The following ABLIM1 variants were observed in gnomAD, a reference collection of about 807,000 sequenced individuals.
ABLIM1 encodes actin binding LIM protein 1.
A neutral mutation model predicts 107.0 loss-of-function variants in ABLIM1; 40 were observed. The ratio of observed to expected loss-of-function variants is 0.37; its 90% confidence interval spans 0.29 to 0.49. ABLIM1 has a LOEUF of 0.49. ABLIM1 is among the 20% of genes least tolerant of loss of function. ABLIM1 has a pLI of 0.97. For synonymous variants in ABLIM1, 357 were observed against 357.3 expected, an observed-to-expected ratio of 1.00 and a Z score of 0.01; for missense variants, 857 against 1,008.5, an observed-to-expected ratio of 0.85 and a Z score of 2.04.
chr10:114,447,920 C>A lies in ABLIM1; in HGVS notation c.1695G>T (p.Glu565Asp), dbSNP rs1249253943. The change falls in exon 15 of 23, where the codon GAG (glutamate) becomes GAT (aspartate). Residue 565 changes from glutamate (E) to aspartate (D), a missense_variant. Glu to Asp is a conservative substitution (Grantham distance 45). Coordinates refer to ENST00000533213, the MANE Select transcript of ABLIM1 (RefSeq NM_002313.7). Reference protein sequence around the residue: ...APDPSETPKIETDHWPGPPSF... With the variant: ...APDPSETPKIDTDHWPGPPSF... The stretch of plus-strand genomic sequence containing the variant: ...AGGGGGGACCAGGCCAGTGGTCCGT[C>A]TCAATCTTTGGTGTCTCGCTGGGGT... The A allele has an allele frequency of 6.2e-7, 1 of 1,614,120 alleles. No individual in the cohort carries two copies. Among genetic ancestry groups the A allele is most frequent in the Non-Finnish European group, 8.5e-7 (1 of 1,180,020 alleles).
At chr10:114,571,231 G>A (rs2071633986) in intron 4 of ABLIM1, 66 bp downstream of exon 4, 1 of 1,382,576 alleles carries the variant, frequency 7.2e-7, no homozygotes, top group South Asian at 1.2e-5. Context: ...CAAAAAGGAA[G>A]GCACCTGCCT....
At chr10:114,764,938 G>A (rs1010249427) in intron 1 of ABLIM1, 3 of 152,612 alleles carry the variant, frequency 2.0e-5, no homozygotes, top group African/African-American at 7.2e-5. Flanking sequence ...CTCACAAGCA[G>A]GCAGAGAGCA....
chr10:114,656,233 A>ACACTCTAG (rs1229086332), intron 1 of ABLIM1, among the ~76,000 whole-genome samples: 4 of 142,524 alleles, frequency 2.8e-5, no homozygotes, highest in Non-Finnish European at 6.0e-5. Context: ...TCACGCCATT[A>ACACTCTAG]CACTCTAGCC....
chr10:114,566,087 G>C (rs1335363503), intron 4 of ABLIM1, among the ~76,000 whole-genome samples: 1 of 152,106 alleles, frequency 6.6e-6, no homozygotes, highest in African/African-American at 2.4e-5. Context: ...GAGCCACCGC[G>C]CCCGGTCGAA....
At chr10:114,647,833 G>C (rs74158023) in intron 1 of ABLIM1, among the ~76,000 whole-genome samples, 2 of 152,134 alleles carry the variant, frequency 1.3e-5, no homozygotes, top group Non-Finnish European at 2.9e-5. Flanking sequence ...AAAACTTGGG[G>C]GGCCACAGTA....
At chr10:114,626,804 G>A (rs1248330925) in intron 1 of ABLIM1, among the ~76,000 whole-genome samples, 1 of 152,130 alleles carries the variant, frequency 6.6e-6, no homozygotes, top group Non-Finnish European at 1.5e-5. Flanking sequence ...TCATTAGGGT[G>A]GGCCTTAATC....
intron 8 of ABLIM1, among the ~76,000 whole-genome samples, chr10:114,477,379 G>A (rs894555745): frequency 5.9e-5 from 9 of 152,140 alleles, no homozygotes; most frequent in Admixed American, 1.3e-4. Context: ...TTCGGTTACT[G>A]GGGTTGCTAT....
chr10:114,642,978 C>T (rs545845036), intron 1 of ABLIM1, among the ~76,000 whole-genome samples: 7 of 152,252 alleles, frequency 4.6e-5, no homozygotes, highest in Non-Finnish European at 7.4e-5. Context: ...CCTGCCAAAA[C>T]GTCGTTCAGA....
chr10:114,736,152 A>G (rs181826619), intron 1 of ABLIM1, among the ~76,000 whole-genome samples: 5 of 152,260 alleles, frequency 3.3e-5, no homozygotes, highest in African/African-American at 9.6e-5. Context: ...CATTTCCATA[A>G]CCTTAAAGTG....
Position 114,657,873 on chromosome 10 carries a change from C to T in ABLIM1, c.244+84G>A, listed in dbSNP as rs560541735. ...AGTGTTTCCTTTGAAGAACACATTA[C>T]AGAAGAATGATCTGGATAGTACTCT... On this transcript the variant is annotated intron_variant, in intron 1 of 22. Coordinates refer to ENST00000533213, the MANE Select transcript of ABLIM1 (RefSeq NM_002313.7). 90 of 1,171,856 alleles carry T rather than the reference C, an allele frequency of 7.7e-5. No individual in the cohort carries two copies. The East Asian group carries it at 2.1e-3, about 27-fold the overall frequency. The allele number at this position is 1,171,856 out of a possible 1,614,324, so 72.6% of individuals were successfully genotyped here. A position where few individuals can be genotyped will look rare whatever the true frequency, so the allele number is the denominator to read the frequency against.
chr10:114,745,870 C>T (rs1566297422), intron 1 of ABLIM1, among the ~76,000 whole-genome samples: 1 of 152,048 alleles, frequency 6.6e-6, no homozygotes, highest in Non-Finnish European at 1.5e-5. Flanking sequence ...ACCAGAAATA[C>T]AATGAAAACA....
chr10:114,483,858 C>T (rs2057765068), intron 8 of ABLIM1, among the ~76,000 whole-genome samples: 2 of 152,302 alleles, frequency 1.3e-5, no homozygotes, highest in South Asian at 2.1e-4. Flanking sequence ...TGTAGAAAGT[C>T]GCTTCTAGTT....
At chr10:114,542,514 T>C (rs941276995) in intron 6 of ABLIM1, among the ~76,000 whole-genome samples, 9 of 133,982 alleles carry the variant, frequency 6.7e-5, no homozygotes, top group Non-Finnish European at 3.2e-5. Flanking sequence ...AAGAAGAAAT[T>C]AGAAGGAAGA....
chr10:114,461,612 A>G (rs2063931447), intron 12 of ABLIM1, among the ~76,000 whole-genome samples: 1 of 152,126 alleles, frequency 6.6e-6, no homozygotes, highest in Non-Finnish European at 1.5e-5. Context: ...TGAAGCCAGG[A>G]GTTTGAGACC....
chr10:114,655,993 G>A (rs901998068), intron 1 of ABLIM1, among the ~76,000 whole-genome samples: 31 of 152,096 alleles, frequency 2.0e-4, no homozygotes, highest in Admixed American at 5.9e-4. Context: ...AGATAAGGCC[G>A]GGCGCGGTGG....
rs113202244 is a variant in ABLIM1 at position 114,632,208 on chromosome 10, G to A, written c.244+25749C>T. 821 of 985,380 alleles carry A rather than the reference G, an allele frequency of 8.3e-4. 8 individuals carry two copies. The African/African-American group carries it at 0.014, about 16-fold the overall frequency. The allele number at this position is 985,380 out of a possible 1,614,324, so 61.0% of individuals were successfully genotyped here. A position where few individuals can be genotyped will look rare whatever the true frequency, so the allele number is the denominator to read the frequency against. On this transcript the variant is annotated intron_variant, in intron 1 of 22. Coordinates refer to ENST00000533213, the MANE Select transcript of ABLIM1 (RefSeq NM_002313.7). ...GCGGCTGAAACCACTCGCTACAGCT[G>A]CTGCTGTAACAAATGCAAAATTCTA...
intron 1 of ABLIM1, among the ~76,000 whole-genome samples, chr10:114,744,083 G>A (rs371429569): frequency 9.2e-5 from 14 of 152,288 alleles, no homozygotes; most frequent in Admixed American, 4.6e-4. Context: ...CAGAAGTTTC[G>A]TGATGGGACC....
chr10:114,651,434 T>G (rs2079236993), intron 1 of ABLIM1, among the ~76,000 whole-genome samples: 1 of 152,158 alleles, frequency 6.6e-6, no homozygotes, highest in Non-Finnish European at 1.5e-5. Context: ...ACCTGCAGCC[T>G]GCTGGGCCTC....
intron 1 of ABLIM1, among the ~76,000 whole-genome samples, chr10:114,762,727 G>C (rs1346022824): frequency 6.6e-6 from 1 of 152,146 alleles, no homozygotes; most frequent in Non-Finnish European, 1.5e-5. Context: ...TGCACACATA[G>C]GGATTTTTCT....
Sources: gnomAD v4.1 joint callset for allele counts (sites outside exome capture counted in the v4.1 genomes callset) on GRCh38, gnomAD v4.1.1 for gene constraint, MANE v1.5 for transcripts, NCBI Gene and HGNC (gene_info 2026-07-23, HGNC 2026-07-21) for gene names.